MIA2: variants seen among roughly 807,000 people sequenced by gnomAD.
MIA2 encodes MIA SH3 domain ER export factor 2, also known as melanoma inhibitory activity protein 2.
A neutral mutation model predicts 167.8 loss-of-function variants in MIA2; 127 were observed. The ratio of observed to expected loss-of-function variants is 0.76; its 90% confidence interval spans 0.66 to 0.88. MIA2 has a LOEUF of 0.88. Ranked by LOEUF, MIA2 falls within the 40% of genes least tolerant of loss-of-function variation. The pLI is 0.00. For missense variants in MIA2, 1,690 were observed against 1,624.7 expected (o/e 1.04, Z -0.69); for synonymous variants, 552 against 541.9 (o/e 1.02, Z -0.26).
At chr14:39,374,708 A>G (rs911703886) in intron 23 of MIA2, among the ~76,000 whole-genome samples, 98 of 152,344 alleles carry the variant, frequency 6.4e-4, no homozygotes, top group African/African-American at 2.2e-3. Flanking sequence ...TCACATGGAA[A>G]TTAGGCAGCT....
chr14:39,348,229 T>A (rs1008298790), intron 27 of MIA2, among the ~76,000 whole-genome samples: 1 of 152,232 alleles, frequency 6.6e-6, no homozygotes, highest in African/African-American at 2.4e-5. Context: ...TAATATACTT[T>A]CTACTTAGCG....
At chr14:39,292,371 A>G (rs957368636) in intron 10 of MIA2, among the ~76,000 whole-genome samples, 5 of 152,188 alleles carry the variant, frequency 3.3e-5, no homozygotes. Flanking sequence ...TGCATTCAAC[A>G]TTTTGGAAAT....
chr14:39,291,603 C>T (rs1566766145), intron 10 of MIA2, among the ~76,000 whole-genome samples: 2 of 151,598 alleles, frequency 1.3e-5, no homozygotes, highest in African/African-American at 4.8e-5. Flanking sequence ...TGTTTGACAA[C>T]TTTTTTTTTA....
chr14:39,360,914 T>C (rs1288479417), intron 23 of MIA2, among the ~76,000 whole-genome samples: 4 of 152,218 alleles, frequency 2.6e-5, no homozygotes, highest in Admixed American at 2.6e-4. Flanking sequence ...AGAGTGTTCT[T>C]TCCTCCAATG....
intron 23 of MIA2, among the ~76,000 whole-genome samples, chr14:39,360,105 CA>C (rs1230299021): frequency 2.0e-5 from 3 of 151,604 alleles, no homozygotes; most frequent in African/African-American, 7.3e-5. Flanking sequence ...AGTTGGAGAC[CA>C]GCATGGCCAA....
chr14:39,327,168 T>A, intron 25 of MIA2, 146 bp downstream of exon 25: 1 of 536,282 alleles, frequency 1.9e-6, no homozygotes, highest in Non-Finnish European at 3.0e-6. Context: ...ATAAATAATC[T>A]AAACAGAATG....
chr14:39,385,772 G>A (rs1372125981), intron 23 of MIA2: 5 of 872,892 alleles, frequency 5.7e-6, no homozygotes, highest in Admixed American at 5.1e-5. Flanking sequence ...TTTGTTACCA[G>A]GTCATTTAAT....
intron 6 of MIA2, among the ~76,000 whole-genome samples, chr14:39,261,177 C>A (rs2055088977): frequency 6.6e-6 from 1 of 151,994 alleles, no homozygotes; most frequent in Non-Finnish European, 1.5e-5. Flanking sequence ...GTGTGATGTT[C>A]CCCTTCCTGT....
chr14:39,295,006 C>T lies in MIA2; in HGVS notation c.2473C>T (p.Gln825Ter). The change falls in exon 13 of 29, where the codon CAA becomes TAA. Residue 825 changes from glutamine (Q) to a stop codon, truncating the protein, a stop_gained. Coordinates refer to ENST00000640607, the MANE Select transcript of MIA2 (RefSeq NM_001329214.4). LOFTEE classifies it high-confidence loss of function. ...AAAAGATGCTTTGAATGAAAATTCT[C>T]AACTTCAGGAAAGCCAGAAACAGGT... ...AIKDALNENS[Q>*]LQESQKQLLQ... 1 of 1,612,686 alleles carries T rather than the reference C, an allele frequency of 6.2e-7. No homozygotes were observed. Among genetic ancestry groups the T allele is most frequent in the Non-Finnish European group, 8.5e-7 (1 of 1,178,746 alleles).
rs138315305 is a variant in MIA2 at position 39,315,710 on chromosome 14, G to A, written c.3208G>A (p.Asp1070Asn). Residue 1070 changes from aspartate (D) to asparagine (N), a missense_variant, in exon 21 of 29, where the codon GAT (aspartate) becomes AAT (asparagine). Physicochemically the swap from Asp to Asn is conservative, Grantham distance 23. Coordinates refer to ENST00000640607, the MANE Select transcript of MIA2 (RefSeq NM_001329214.4). Reference sequence around the variant, plus strand: ...TATTTCCCATGAGAAAAAAGCACATGATAATTGGGTAAGTTTAAAATTTCC... The same window carrying A: ...TATTTCCCATGAGAAAAAAGCACATAATAATTGGGTAAGTTTAAAATTTCC... ...QIISHEKKAH[D>N]NWLAARNAER... 1.7e-5 allele frequency: 26 copies of A among 1,551,866 alleles called. No individual in the cohort carries two copies. The highest frequency in any genetic ancestry group is 2.3e-5 in the Non-Finnish European group (26 of 1,135,592).
intron 9 of MIA2, among the ~76,000 whole-genome samples, chr14:39,280,952 TC>T (rs1330426236): frequency 7.2e-6 from 1 of 138,720 alleles, no homozygotes; most frequent in Non-Finnish European, 1.5e-5. Context: ...AGCGTCTCTC[TC>T]TCTCTCTTGT....
intron 6 of MIA2, among the ~76,000 whole-genome samples, chr14:39,268,246 C>T (rs1237984247): frequency 6.6e-6 from 1 of 151,866 alleles, no homozygotes; most frequent in Non-Finnish European, 1.5e-5. Context: ...TTAAAAAGAC[C>T]ACTTAATTAT....
chr14:39,343,743 T>G (rs1237587629), intron 25 of MIA2, among the ~76,000 whole-genome samples: 1 of 152,172 alleles, frequency 6.6e-6, no homozygotes, highest in Non-Finnish European at 1.5e-5. Flanking sequence ...GTTCAGTCTT[T>G]AATTGGTCAT....
At position 39,335,801 on chromosome 14, in the gene MIA2, T is replaced by C. The variant is rs551583860; in HGVS notation, c.3655+8779T>C. 2.6e-5 allele frequency among the ~76,000 whole-genome samples: 4 copies of C among 152,306 alleles called. 1 individual carries two copies. The highest frequency in any genetic ancestry group is 4.1e-4 in the South Asian group (2 of 4,826). ...TGGTAGTCCCCAGTGTCTCTTGTTA[T>C]CATCTTTATATCCATGTGTACCCAG... On this transcript the variant is annotated intron_variant, in intron 25 of 28. Transcript: ENST00000640607.
At chr14:39,306,605 A>T (rs977028053) in intron 17 of MIA2, among the ~76,000 whole-genome samples, 1 of 152,188 alleles carries the variant, frequency 6.6e-6, no homozygotes, top group African/African-American at 2.4e-5. Context: ...TGAAAGTTGG[A>T]TGGGGACACA....
chr14:39,356,037 G>A (rs1215872743), downstream of MIA2, among the ~76,000 whole-genome samples: 1 of 152,162 alleles, frequency 6.6e-6, no homozygotes, highest in African/African-American at 2.4e-5. Flanking sequence ...GTCTCTGCCA[G>A]GCTTTGGTAT....
Position 39,321,042 on chromosome 14 carries a change from G to T in MIA2, c.3482G>T (p.Gly1161Val). The T allele has an allele frequency of 1.2e-6, 2 of 1,612,716 alleles. No homozygotes were observed. Among genetic ancestry groups the T allele is most frequent in the Non-Finnish European group, 1.7e-6 (2 of 1,179,482 alleles). Residue 1161 changes from glycine (G) to valine (V), a missense_variant, in exon 24 of 29, where the codon GGG becomes GTG. Coordinates refer to ENST00000640607, the MANE Select transcript of MIA2 (RefSeq NM_001329214.4). ...CTCAGACTCTCACCTTTGCTTCCAG[G>T]GGGAGGAGGAAGAGGTATATTGTTT... Reference protein sequence around the residue: ...GPLRLSPLLPGGGGRGSRGPG... With the variant: ...GPLRLSPLLPVGGGRGSRGPG...
chr14:39,337,803 T>C (rs923102274), intron 25 of MIA2, among the ~76,000 whole-genome samples: 1 of 151,932 alleles, frequency 6.6e-6, no homozygotes, highest in African/African-American at 2.4e-5. Flanking sequence ...CTGCAACCTC[T>C]GCCTCCTGGG....
At chr14:39,242,472 A>G (rs1220124358) in intron 3 of MIA2, among the ~76,000 whole-genome samples, 1 of 151,916 alleles carries the variant, frequency 6.6e-6, no homozygotes, top group Admixed American at 6.6e-5. Context: ...ACAGGCACCC[A>G]CTGCCAAGCC....
Sources: gnomAD v4.1 joint callset for allele counts (sites outside exome capture counted in the v4.1 genomes callset) on GRCh38, gnomAD v4.1.1 for gene constraint, MANE v1.5 for transcripts, NCBI Gene and HGNC (gene_info 2026-07-23, HGNC 2026-07-21) for gene names.